Variants in SGCG observed in about 807,000 individuals in gnomAD.
SGCG encodes sarcoglycan gamma.
In SGCG, 26 loss-of-function variants were observed where a neutral mutation model predicts 29.3. That is an observed-to-expected ratio of 0.89 (90% CI 0.65 to 1.23). The LOEUF (loss-of-function observed/expected upper bound fraction) is 1.23. Among genes scored for constraint, SGCG ranks in the 50% most tolerant of loss-of-function variants. SGCG has a pLI of 0.00. For missense variants in SGCG, 353 were observed against 356.0 expected, an observed-to-expected ratio of 0.99 and a Z score of 0.07; for synonymous variants, 145 against 129.7, an observed-to-expected ratio of 1.12 and a Z score of -0.80.
At chr13:23,279,185 T>C (rs1296706251) in intron 4 of SGCG, among the ~76,000 whole-genome samples, 174 bp from the exon 5 acceptor site, 1 of 152,218 alleles carries the variant, frequency 6.6e-6, no homozygotes, top group Non-Finnish European at 1.5e-5. Flanking sequence ...ATACAATAGA[T>C]TTAGACTTAA....
intron 2 of SGCG, among the ~76,000 whole-genome samples, chr13:23,213,254 C>T (rs488572): frequency 0.23 from 34,574 of 152,040 alleles, 4,093 homozygotes; most frequent in Middle Eastern, 0.33. Flanking sequence ...GCAGGCAGAT[C>T]ACTTGAGGCC....
At chr13:23,188,871 A>G (rs536724199) in intron 1 of SGCG, among the ~76,000 whole-genome samples, 29 of 152,286 alleles carry the variant, frequency 1.9e-4, no homozygotes, top group African/African-American at 6.7e-4. Context: ...TGCCACGCCA[A>G]TCTACAGGAG....
intron 1 of SGCG, among the ~76,000 whole-genome samples, chr13:23,203,454 A>G (rs1259247723): frequency 6.6e-6 from 1 of 152,220 alleles, no homozygotes; most frequent in Non-Finnish European, 1.5e-5. Context: ...CTAGATTTCA[A>G]ACGTTTATCA....
intron 6 of SGCG, among the ~76,000 whole-genome samples, chr13:23,314,147 A>T (rs889543092): frequency 2.9e-5 from 4 of 138,988 alleles, no homozygotes; most frequent in African/African-American, 1.0e-4. Context: ...ATCTGTATCT[A>T]TATAGCTATA....
At chr13:23,167,035 C>T in the SGCG span, among the ~76,000 whole-genome samples, 1 of 152,116 alleles carries the variant, frequency 6.6e-6, no homozygotes, top group Non-Finnish European at 1.5e-5. Context: ...TTATCCAAAC[C>T]CCTGCCCCTA....
intron 2 of SGCG, among the ~76,000 whole-genome samples, chr13:23,228,886 T>A (rs1357003967): frequency 6.6e-6 from 1 of 152,196 alleles, no homozygotes; most frequent in African/African-American, 2.4e-5. Flanking sequence ...TATTTGTTTG[T>A]TTGAGACAGG....
At chr13:23,288,900 C>T (rs1881599219) in intron 5 of SGCG, among the ~76,000 whole-genome samples, 1 of 152,152 alleles carries the variant, frequency 6.6e-6, no homozygotes, top group South Asian at 2.1e-4. Context: ...CCATTTCCCA[C>T]CACTAATAAG....
At chr13:23,303,461 G>T (rs1439668263) in intron 6 of SGCG, among the ~76,000 whole-genome samples, 1 of 152,248 alleles carries the variant, frequency 6.6e-6, no homozygotes, top group East Asian at 1.9e-4. Context: ...CCACAGGCAT[G>T]TTCAGAATCA....
intron 3 of SGCG, chr13:23,244,670 C>A (rs1879631134): frequency 6.6e-6 from 1 of 152,126 alleles, no homozygotes; most frequent in Admixed American, 6.5e-5. Context: ...ACTTCCTTAA[C>A]AATATGATTC....
At chr13:23,317,508 C>T (rs548933859) in intron 6 of SGCG, among the ~76,000 whole-genome samples, 3 of 141,182 alleles carry the variant, frequency 2.1e-5, no homozygotes, top group Admixed American at 7.3e-5. Context: ...GCTTCAGAAA[C>T]GGGGACTGTA....
chr13:23,261,639 G>C lies in SGCG; in HGVS notation c.385+10922G>C, dbSNP rs185829905. Among the ~76,000 whole-genome samples, 285 of 152,044 alleles carry C rather than the reference G, an allele frequency of 1.9e-3. 2 individuals carry two copies. The highest frequency in any genetic ancestry group is 6.7e-3 in the African/African-American group (277 of 41,532). On this transcript the variant is annotated intron_variant, in intron 4 of 7. Coordinates refer to ENST00000218867, the MANE Select transcript of SGCG (RefSeq NM_000231.3). ...CTTTGTTAGAGATTTAGACATCCAAGTACAAGAAGTTCAAATAACTTTTGG... is the reference window on the plus strand; with the variant it reads ...CTTTGTTAGAGATTTAGACATCCAACTACAAGAAGTTCAAATAACTTTTGG...
chr13:23,270,400 T>C (rs1880826346), intron 4 of SGCG, among the ~76,000 whole-genome samples: 1 of 152,214 alleles, frequency 6.6e-6, no homozygotes, highest in Admixed American at 6.5e-5. Context: ...ATGTCAGTGT[T>C]GCTTTAATTT....
At chr13:23,282,035 A>G (rs1265039484) in intron 5 of SGCG, among the ~76,000 whole-genome samples, 1 of 152,218 alleles carries the variant, frequency 6.6e-6, no homozygotes, top group African/African-American at 2.4e-5. Flanking sequence ...TAACTAGAGC[A>G]AAATATACCC....
chr13:23,230,447 C>T (rs1454179422), intron 2 of SGCG, among the ~76,000 whole-genome samples: 2 of 152,168 alleles, frequency 1.3e-5, no homozygotes, highest in Non-Finnish European at 2.9e-5. Flanking sequence ...TTTGTGTCAT[C>T]TCTGATGTCT....
chr13:23,174,381 C>T, the SGCG span, among the ~76,000 whole-genome samples: 6 of 151,762 alleles, frequency 4.0e-5, no homozygotes, highest in South Asian at 2.1e-4. Flanking sequence ...ATACAAGAAA[C>T]GAAAAGGAAG....
the SGCG span, among the ~76,000 whole-genome samples, chr13:23,175,953 T>C: frequency 2.0e-5 from 3 of 152,108 alleles, no homozygotes; most frequent in Non-Finnish European, 4.4e-5. Context: ...GAACATAAAA[T>C]CATTTGATTA....
At chr13:23,279,296 A>G (rs1417751209) in intron 4 of SGCG, 63 bp from the exon 5 acceptor site, 8 of 1,540,864 alleles carry the variant, frequency 5.2e-6, no homozygotes, top group Admixed American at 1.7e-5. Flanking sequence ...GGCATGTGTA[A>G]AAATAGAGAT....
chr13:23,230,015 C>G (rs374783387), intron 2 of SGCG, among the ~76,000 whole-genome samples: 7 of 152,262 alleles, frequency 4.6e-5, no homozygotes, highest in African/African-American at 7.2e-5. Context: ...CTAGCCAGCT[C>G]TCAGCACCAT....
intron 6 of SGCG, among the ~76,000 whole-genome samples, chr13:23,297,567 G>A (rs1881955092): frequency 6.6e-6 from 1 of 152,214 alleles, no homozygotes; most frequent in Non-Finnish European, 1.5e-5. Flanking sequence ...GGCACAGATT[G>A]CTCATGCTAT....
Sources: allele counts gnomAD v4.1 joint callset (sites outside exome capture counted in the v4.1 genomes callset), GRCh38; gene constraint gnomAD v4.1.1; transcripts MANE v1.5; gene names NCBI Gene and HGNC (gene_info 2026-07-23, HGNC 2026-07-21).